PRR12: variants seen among roughly 807,000 people sequenced by gnomAD.
PRR12 encodes the protein proline-rich protein 12.
In PRR12, 12 loss-of-function variants were observed where a neutral mutation model predicts 138.0. The observed-to-expected ratio is 0.09, with a 90% CI of 0.06 to 0.14. The LOEUF (loss-of-function observed/expected upper bound fraction) is 0.14, where lower values mean the gene tolerates loss of function less well. Among genes scored for constraint, PRR12 ranks in the 10% least tolerant of loss-of-function variants. The pLI is 1.00. For missense variants in PRR12, 2,692 were observed against 2,861.3 expected, an observed-to-expected ratio of 0.94 and a Z score of 1.35; for synonymous variants, 1,567 against 1,291.7, an observed-to-expected ratio of 1.21 and a Z score of -4.57.
intron 9 of PRR12, among the ~76,000 whole-genome samples, chr19:49,619,938 C>T (rs1040107045): frequency 6.9e-5 from 10 of 143,978 alleles, no homozygotes; most frequent in Admixed American, 1.5e-4. Context: ...TCACTGCAAC[C>T]TCCGCCTCCT....
At chr19:49,602,176 C>T (rs1205206096) in intron 6 of PRR12, among the ~76,000 whole-genome samples, 2 of 152,170 alleles carry the variant, frequency 1.3e-5, no homozygotes, top group Admixed American at 6.6e-5. Flanking sequence ...TCTATATGTG[C>T]GTTACCTGTA....
At chr19:49,612,651 A>G (rs1202828320) in intron 6 of PRR12, among the ~76,000 whole-genome samples, 3 of 151,996 alleles carry the variant, frequency 2.0e-5, no homozygotes, top group Non-Finnish European at 4.4e-5. Context: ...AGATGCTCCA[A>G]TGGCTTCCTC....
At position 49,597,535 on chromosome 19, in the gene PRR12, C is replaced by T. The variant is rs1379232045; in HGVS notation, c.3200C>T (p.Thr1067Ile). Residue 1067 changes from threonine to isoleucine, a missense_variant, in exon 4 of 14, where the codon ACC becomes ATC. This residue lies in a region of PRR12 where 840 missense variants were observed against 689.8 expected (regional missense o/e 1.22). Coordinates refer to ENST00000418929, the MANE Select transcript of PRR12 (RefSeq NM_020719.3). This position sits in a 1 kb window ranked among gnomAD's most constrained non-coding sequence, Gnocchi z 6.3. The stretch of plus-strand genomic sequence containing the variant: ...CTCACCTCGCCCATCTTCTGCTCTA[C>T]CAAGCCAAAGAAGCTGCTCAAGACA... ...GGLTSPIFCS[T>I]KPKKLLKTSS... 19 of 1,570,888 alleles carry T rather than the reference C, an allele frequency of 1.2e-5. No individual in the cohort carries two copies. Among genetic ancestry groups the T allele is most frequent in the Non-Finnish European group, 1.6e-5 (19 of 1,160,604 alleles).
chr19:49,615,379 CG>C (rs140457883), intron 8 of PRR12, among the ~76,000 whole-genome samples: 4,372 of 148,346 alleles, frequency 0.029, 80 homozygotes, highest in South Asian at 0.12. Context: ...GACCCAGAGA[CG>C]GGAGGGGACA....
chr19:49,596,820 C>A lies in PRR12; in HGVS notation c.2485C>A (p.Arg829Ser). The A allele has an allele frequency of 6.3e-7, 1 of 1,597,920 alleles. No homozygotes were observed. Among genetic ancestry groups the A allele is most frequent in the East Asian group, 2.2e-5 (1 of 44,778 alleles). ...CGTCCACCTCCTTGAGCCAGCCACC[C>A]GCGATGGGGCACCCCAGCCACCTCC... ...VGVHLLEPATRDGAPQPPPPP... is the reference protein window; with the variant it reads ...VGVHLLEPATSDGAPQPPPPP... The change falls in exon 4 of 14, where the codon CGC becomes AGC. Residue 829 changes from arginine (R) to serine (S), a missense_variant. Arg to Ser is a moderately radical substitution (Grantham distance 110). Around this residue, in one of 11 missense-constraint regions of PRR12, gnomAD observed 840 missense variants for 689.8 expected, o/e 1.22. Coordinates refer to ENST00000418929, the MANE Select transcript of PRR12 (RefSeq NM_020719.3). The surrounding 1 kb of genome is among the most constrained non-coding windows in gnomAD (Gnocchi z 5.6).
intron 10 of PRR12, 89 bp from the exon 11 acceptor site, chr19:49,621,436 G>A: frequency 9.6e-7 from 1 of 1,040,464 alleles, no homozygotes; most frequent in South Asian, 1.4e-5. Flanking sequence ...GTGGGAAGGG[G>A]ATTTGGGGAC....
intron 8 of PRR12, 132 bp downstream of exon 8, chr19:49,615,141 G>A (rs1599799052): frequency 7.4e-7 from 1 of 1,343,168 alleles, no homozygotes; most frequent in East Asian, 2.4e-5. Flanking sequence ...GAGAGAGAGG[G>A]GGACAGAGAC....
At position 49,595,174 on chromosome 19, in the gene PRR12, G is replaced by A. The variant is rs1166542384; in HGVS notation, c.839G>A (p.Arg280Gln). 1.6e-5 allele frequency: 25 copies of A among 1,609,250 alleles called. No homozygotes were observed. The highest frequency in any genetic ancestry group is 4.5e-5 in the East Asian group (2 of 44,724). The stretch of plus-strand genomic sequence containing the variant: ...GCCCCGGGCCCACCGCCGCCTGAGC[G>A]GGCCCTGCCACGCCAGGACACGGTC... ...GAAPGPPPPE[R>Q]ALPRQDTVIK... is the part of the protein sequence containing the mutation. Residue 280 changes from arginine (R) to glutamine (Q), a missense_variant, in exon 4 of 14, where the codon CGG becomes CAG. Physicochemically the swap from Arg to Gln is conservative, Grantham distance 43. This residue lies in a region of PRR12 where 523 missense variants were observed against 496.4 expected (regional missense o/e 1.05). Transcript: ENST00000418929.
rs111953723 is a variant in PRR12, at chr19:49,622,319, G to A, written c.5721+697G>A. ...AGGAAGGCCGGGCACAGTGGCTCAC[G>A]CCTGTGATCCTAGCACTTTGGGAAG... On this transcript the variant is annotated intron_variant, in intron 11 of 13. Coordinates refer to ENST00000418929, the MANE Select transcript of PRR12 (RefSeq NM_020719.3). Among the ~76,000 whole-genome samples the A allele has an allele frequency of 2.6e-3, 399 of 152,256 alleles. 1 individual carries two copies. Among genetic ancestry groups the A allele is most frequent in the African/African-American group, 9.4e-3 (392 of 41,548 alleles).
At chr19:49,600,037 C>T (rs2080801477) in intron 5 of PRR12, 99 bp downstream of exon 5, 3 of 1,232,926 alleles carry the variant, frequency 2.4e-6, no homozygotes, top group Non-Finnish European at 3.3e-6. Flanking sequence ...AGACACCATT[C>T]ACATACATGG....
At position 49,595,828 on chromosome 19, in the gene PRR12, C is replaced by T; in HGVS notation, c.1493C>T (p.Ser498Phe). ...PPGLATCQSY[S>F]PDQLQGQLYG... ...GGCCTGGCCACATGTCAGAGCTACT[C>T]CCCGGACCAGCTGCAGGGGCAGCTG... Residue 498 changes from serine to phenylalanine, a missense_variant, in exon 4 of 14, where the codon TCC (serine) becomes TTC (phenylalanine). This residue lies in a region of PRR12 where 523 missense variants were observed against 496.4 expected (regional missense o/e 1.05). Transcript: ENST00000418929. 6.3e-7 allele frequency: 1 copy of T among 1,599,814 alleles called. No individual in the cohort carries two copies. Among genetic ancestry groups the T allele is most frequent in the Non-Finnish European group, 8.5e-7 (1 of 1,177,012 alleles).
At chr19:49,611,453 C>A (rs1418049359) in intron 6 of PRR12, among the ~76,000 whole-genome samples, 1 of 151,270 alleles carries the variant, frequency 6.6e-6, no homozygotes, top group Non-Finnish European at 1.5e-5. Flanking sequence ...CCTTGCCAAC[C>A]TGGTAAAACC....
Position 49,614,653 on chromosome 19 carries a change from A to G in PRR12, c.4890+4A>G. On this transcript the variant is annotated splice_donor_region_variant and intron_variant, in intron 7 of 13. Transcript: ENST00000418929. This position sits in a 1 kb window ranked among gnomAD's most constrained non-coding sequence, Gnocchi z 5.0. The stretch of plus-strand genomic sequence containing the variant: ...GCAGTTTTGTGCCACCAGTAATGTA[A>G]GCCTGCAAAGGGGACCAAGGACTTG... 6.4e-7 allele frequency: 1 copy of G among 1,555,972 alleles called. No homozygotes were observed. The highest frequency in any genetic ancestry group is 1.4e-5 in the African/African-American group (1 of 73,312).
chr19:49,619,535 CTTTTTTTTTTT>C (rs760207958), intron 9 of PRR12, among the ~76,000 whole-genome samples: 3 of 67,140 alleles, frequency 4.5e-5, no homozygotes, highest in East Asian at 3.7e-4. Context: ...ATGCCCAGCC[CTTTTTTTTTTT>C]TTTTTTTTTT....
Position 49,625,442 on chromosome 19 carries a change from C to T in PRR12, c.5965-19C>T. On this transcript the variant is annotated intron_variant, in intron 13 of 13. Transcript: ENST00000418929. The surrounding 1 kb of genome is among the most constrained non-coding windows in gnomAD (Gnocchi z 5.5). ...GGCCGGTGTGCCACCCTCCCCAGTG[C>T]CATGTTTGACCCCTGCAGACCCTGG... 2 of 1,586,146 alleles carry T rather than the reference C, an allele frequency of 1.3e-6. No individual in the cohort carries two copies. The highest frequency in any genetic ancestry group is 1.7e-6 in the Non-Finnish European group (2 of 1,168,444).
chr19:49,593,299 C>T (rs1393228082), intron 1 of PRR12, 28 bp from the exon 2 acceptor site: 2 of 1,160,794 alleles, frequency 1.7e-6, no homozygotes, highest in Admixed American at 3.9e-5. Flanking sequence ...CTTGGAAGAA[C>T]CCCCTGACGT....
intron 10 of PRR12, 36 bp from the exon 11 acceptor site, chr19:49,621,489 C>T (rs1250481030): frequency 6.6e-7 from 1 of 1,522,776 alleles, no homozygotes; most frequent in Non-Finnish European, 9.0e-7. Context: ...CTTTGTGAGG[C>T]TGTGGCCTTC....
chr19:49,613,640 A>G (rs555026845), intron 6 of PRR12, among the ~76,000 whole-genome samples: 1 of 152,254 alleles, frequency 6.6e-6, no homozygotes, highest in South Asian at 2.1e-4. Flanking sequence ...CATGCTGGTG[A>G]AATGGTCTCA....
At position 49,625,834 on chromosome 19, in the gene PRR12, AATT is replaced by A; in HGVS notation, c.*231_*233del. 2 of 455,610 alleles carry A rather than the reference AATT, an allele frequency of 4.4e-6. No individual in the cohort carries two copies. Among genetic ancestry groups the A allele is most frequent in the Non-Finnish European group, 7.6e-6 (2 of 262,310 alleles). 28.2% of individuals were successfully genotyped at this position (455,610 alleles called of 1,614,324 possible). On this transcript the variant is annotated 3_prime_UTR_variant, in exon 14 of 14. Coordinates refer to ENST00000418929, the MANE Select transcript of PRR12 (RefSeq NM_020719.3). This position sits in a 1 kb window ranked among gnomAD's most constrained non-coding sequence, Gnocchi z 5.5. ...CCTCCCACTGTTCGGTGTACAGAGA[AATT>A]ATTTATATATATGTATAAATGTCTA... is the stretch of plus-strand genomic sequence containing the variant.
Sources: gnomAD v4.1 joint callset for allele counts (sites outside exome capture counted in the v4.1 genomes callset) on GRCh38, gnomAD v4.1.1 for gene constraint, gnomAD v4.1.1 regional missense constraint, Gnocchi (gnomAD v3.1) non-coding constraint, MANE v1.5 for transcripts, NCBI Gene and HGNC (gene_info 2026-07-23, HGNC 2026-07-21) for gene names.